SEMA3G: variants seen among roughly 807,000 people sequenced by gnomAD.
The protein encoded by SEMA3G is semaphorin-3G.
Under a neutral mutation model 86.2 loss-of-function variants are expected in SEMA3G, and 70 were observed. The ratio of observed to expected loss-of-function variants is 0.81; its 90% CI spans 0.67 to 0.99. The LOEUF is 0.99. SEMA3G is among the 50% of genes least tolerant of loss of function. The pLI, the probability that SEMA3G is intolerant of heterozygous loss-of-function variation, is 0.00. For synonymous variants in SEMA3G, 416 were observed against 441.4 expected, an observed-to-expected ratio of 0.94 and a Z score of 0.72; for missense variants, 1,002 against 1,072.4, an observed-to-expected ratio of 0.93 and a Z score of 0.92.
rs746597015 is a variant in SEMA3G at position 52,437,510 on chromosome 3, GGGGTCTCCTCACTCACCT to G, written c.1877_1878+16del. On this transcript the variant is annotated splice_donor_variant and splice_donor_5th_base_variant and coding_sequence_variant and intron_variant, in exon 15 of 16. Coordinates refer to ENST00000231721, the MANE Select transcript of SEMA3G (RefSeq NM_020163.3). LOFTEE classifies it high-confidence loss of function. ...TCAGGACACACAGAGGCTAGAGGCA[GGGGTCTCCTCACTCACCT>G]GGTCAGGCCCCTCATCCCCTGGCCT... 2 of 1,606,350 alleles carry G rather than the reference GGGGTCTCCTCACTCACCT, an allele frequency of 1.2e-6. No homozygotes were observed. The highest frequency in any genetic ancestry group is 1.7e-6 in the Non-Finnish European group (2 of 1,175,530).
At chr3:52,437,904 G>T in intron 14 of SEMA3G, 67 bp downstream of exon 14, 1 of 1,419,808 alleles carries the variant, frequency 7.0e-7, no homozygotes, top group Non-Finnish European at 9.8e-7. Context: ...GCACTTCGCA[G>T]GGGTGGAGCC....
chr3:52,440,187 A>C, intron 10 of SEMA3G, 89 bp from the exon 11 acceptor site: 1 of 1,237,804 alleles, frequency 8.1e-7, no homozygotes, highest in Non-Finnish European at 1.1e-6. Flanking sequence ...AACCAGGGGG[A>C]CCTCTCTCAC....
Position 52,440,106 on chromosome 3 carries a change from C to T in SEMA3G, c.1144-8G>A. On this transcript the variant is annotated splice_region_variant and splice_polypyrimidine_tract_variant and intron_variant, in intron 10 of 15. Coordinates refer to ENST00000231721, the MANE Select transcript of SEMA3G (RefSeq NM_020163.3). ...GGTCATCTTGCTGGGGCACTGTGGG[C>T]AGCAGGGAAGGGAGTGCCTGAAGTA... 6.4e-7 allele frequency: 1 copy of T among 1,566,522 alleles called. No homozygotes were observed. Among genetic ancestry groups the T allele is most frequent in the Non-Finnish European group, 8.7e-7 (1 of 1,151,372 alleles).
Position 52,442,665 on chromosome 3 carries a change from C to G in SEMA3G, c.277-44G>C. ...GACCTCAGGTCCTCCCCTGATCTCA[C>G]AGGCTCAGTTTCCCCATCTGGCCTC... On this transcript the variant is annotated intron_variant, in intron 2 of 15. Transcript: ENST00000231721. This position sits in a 1 kb window ranked among gnomAD's most constrained non-coding sequence, Gnocchi z 6.1. 6.2e-7 allele frequency: 1 copy of G among 1,614,018 alleles called. No homozygotes were observed. Among genetic ancestry groups the G allele is most frequent in the Non-Finnish European group, 8.5e-7 (1 of 1,179,928 alleles).
In SEMA3G at chr3:52,437,668, T is replaced by G. The variant is rs745595237; in HGVS notation, c.1739-2A>C. 8 of 1,608,134 alleles carry G rather than the reference T, an allele frequency of 5.0e-6. No individual in the cohort carries two copies. Among genetic ancestry groups the G allele is most frequent in the Non-Finnish European group, 6.8e-6 (8 of 1,176,078 alleles). On this transcript the variant is annotated splice_acceptor_variant, in intron 14 of 15. Coordinates refer to ENST00000231721, the MANE Select transcript of SEMA3G (RefSeq NM_020163.3). LOFTEE classifies it high-confidence loss of function. ...CTGCCACAAGTCCCACTGCCTCTTC[T>G]GGAGAGAGGCAGAGGTTGGCTCAGC...
chr3:52,438,023 C>T lies in SEMA3G; in HGVS notation c.1686G>A (p.Gln562=). The T allele has an allele frequency of 6.2e-7, 1 of 1,613,098 alleles. No homozygotes were observed. ...GGGCAGGGTTGCCGTGCCGGATGTC[C>T]TGCCGGCGGAACCGGCGCTTGCCAA... ...PSLGKRRFRR[Q]DIRHGNPALQ... Residue 562 remains glutamine (Q), a synonymous_variant, in exon 14 of 16, where the codon CAG becomes CAA. Coordinates refer to ENST00000231721, the MANE Select transcript of SEMA3G (RefSeq NM_020163.3).
rs568859731 is a variant in SEMA3G at position 52,438,057 on chromosome 3, C to A, written c.1652G>T (p.Arg551Leu). ...GAACCGGCGCTTGCCAAGGCTGGGG[C>A]GGTAGTGGGTACAGGAGGCACCATC... ...AWDGASCTHY[R>L]PSLGKRRFRR... The change falls in exon 14 of 16, where the codon CGC (arginine) becomes CTC (leucine). Residue 551 changes from arginine (R) to leucine (L), a missense_variant. Transcript: ENST00000231721. 16 of 1,613,024 alleles carry A rather than the reference C, an allele frequency of 9.9e-6. No individual in the cohort carries two copies. The highest frequency in any genetic ancestry group is 1.4e-5 in the Non-Finnish European group (16 of 1,180,024).
chr3:52,440,095 G>C lies in SEMA3G; in HGVS notation c.1147C>G (p.Pro383Ala). Residue 383 changes from proline to alanine, a missense_variant, in exon 11 of 16, where the codon CCC becomes GCC. Pro to Ala is a conservative substitution (Grantham distance 27, BLOSUM62 -1). Transcript: ENST00000231721. ...KVPFPRPGVC[P>A]SKMTAQPGRP... ...CCTGGCTGTGCGGTCATCTTGCTGG[G>C]GCACTGTGGGCAGCAGGGAAGGGAG... is the stretch of plus-strand genomic sequence containing the variant. 6.4e-7 allele frequency: 1 copy of C among 1,574,040 alleles called. No homozygotes were observed. Among genetic ancestry groups the C allele is most frequent in the Non-Finnish European group, 8.7e-7 (1 of 1,155,082 alleles).
At chr3:52,439,576 A>G (rs752865967) in intron 12 of SEMA3G, 104 bp downstream of exon 12, 10 of 902,772 alleles carry the variant, frequency 1.1e-5, no homozygotes, top group Non-Finnish European at 1.6e-5. Context: ...CAAATTCAGT[A>G]AAGACAGGCT....
In SEMA3G at chr3:52,438,028, G is replaced by A. The variant is rs766646342; in HGVS notation, c.1681C>T (p.Arg561Trp). 322 of 1,612,962 alleles carry A rather than the reference G, an allele frequency of 2.0e-4. No homozygotes were observed. Among genetic ancestry groups the A allele is most frequent in the Non-Finnish European group, 2.5e-4 (293 of 1,180,000 alleles). The change falls in exon 14 of 16, where the codon CGG becomes TGG. Residue 561 changes from arginine to tryptophan, a missense_variant. Transcript: ENST00000231721. ...GGGTTGCCGTGCCGGATGTCCTGCC[G>A]GCGGAACCGGCGCTTGCCAAGGCTG... ...RPSLGKRRFR[R>W]QDIRHGNPAL...
chr3:52,438,374 T>C (rs1706088292), intron 13 of SEMA3G, 175 bp from the exon 14 acceptor site: 1 of 973,012 alleles, frequency 1.0e-6, no homozygotes, highest in African/African-American at 1.8e-5. Flanking sequence ...CATACCAGAT[T>C]CTGTGCCAGG....
At chr3:52,441,123 C>A in intron 7 of SEMA3G, 75 bp from the exon 8 acceptor site, 1 of 1,470,888 alleles carries the variant, frequency 6.8e-7, no homozygotes, top group Admixed American at 1.9e-5. Context: ...CTACCCTCAC[C>A]CACTCGGGGA....
At position 52,438,178 on chromosome 3, in the gene SEMA3G, G is replaced by A. The variant is rs371791154; in HGVS notation, c.1531C>T (p.Arg511Trp). Residue 511 changes from arginine to tryptophan, a missense_variant, in exon 14 of 16, where the codon CGG (arginine) becomes TGG (tryptophan). Arg to Trp is a moderately radical substitution (Grantham distance 101). Coordinates refer to ENST00000231721, the MANE Select transcript of SEMA3G (RefSeq NM_020163.3). ...AGCCGCAGCTGGGCCACACCCAGCCGAGAGCCCACGTATAGCATTTGCTGG... is the reference window on the plus strand; with the variant it reads ...AGCCGCAGCTGGGCCACACCCAGCCAAGAGCCCACGTATAGCATTTGCTGG... ...VKRQMLYVGS[R>W]LGVAQLRLHQ... is the part of the protein sequence containing the mutation. 2.1e-5 allele frequency: 34 copies of A among 1,613,054 alleles called. No individual in the cohort carries two copies. The highest frequency in any genetic ancestry group is 4.4e-5 in the South Asian group (4 of 91,068).
In SEMA3G at chr3:52,438,997, G is replaced by A. The variant is rs561399558; in HGVS notation, c.1468-36C>T. The A allele has an allele frequency of 3.4e-5, 55 of 1,606,378 alleles. No homozygotes were observed. In the Admixed American group the frequency reaches 6.4e-4, roughly 19 times the overall value. On this transcript the variant is annotated intron_variant, in intron 12 of 15. Transcript: ENST00000231721. ...AGAAGGGTCTCAGTGTGGGTCGGGT[G>A]GACCAAGACCTGCCCCTGCACCCCT...
At chr3:52,439,609 T>A in intron 12 of SEMA3G, 71 bp downstream of exon 12, 1 of 1,307,524 alleles carries the variant, frequency 7.6e-7, no homozygotes, top group Non-Finnish European at 1.1e-6. Flanking sequence ...GGCTTGCTCC[T>A]GCATCCCTGT....
In SEMA3G at chr3:52,441,861, A is replaced by G; in HGVS notation, c.508T>C (p.Cys170Arg). Reference sequence around the variant, plus strand: ...AAGGGACGGCTGGGCTCGTGAGGGCACCGCCCCCGGCCACTTTCCACACTG... The same window carrying G: ...AAGGGACGGCTGGGCTCGTGAGGGCGCCGCCCCCGGCCACTTTCCACACTG... ...PGSVESGRGR[C>R]PHEPSRPFAS... Residue 170 changes from cysteine to arginine, a missense_variant, in exon 5 of 16, where the codon TGC (cysteine) becomes CGC (arginine). By Grantham distance (180) the Cys-to-Arg change is radical. Coordinates refer to ENST00000231721, the MANE Select transcript of SEMA3G (RefSeq NM_020163.3). The G allele has an allele frequency of 6.3e-7, 1 of 1,594,764 alleles. No individual in the cohort carries two copies. The highest frequency in any genetic ancestry group is 8.5e-7 in the Non-Finnish European group (1 of 1,170,762).
In SEMA3G at chr3:52,435,653, G is replaced by A. The variant is rs754767846; in HGVS notation, c.2299C>T (p.Arg767Trp). ...GTCCGATTGTGCTCGGCATGCACCC[G>A]GCTCTTCATCTTCTTGCCTAGCTCC... is the stretch of plus-strand genomic sequence containing the variant. ...GLELGKKMKSRVHAEHNRTPR... is the reference protein window; with the variant it reads ...GLELGKKMKSWVHAEHNRTPR... Residue 767 changes from arginine (R) to tryptophan (W), a missense_variant, in exon 16 of 16, where the codon CGG (arginine) becomes TGG (tryptophan). By Grantham distance (101) the Arg-to-Trp change is moderately radical. Transcript: ENST00000231721. 1.2e-5 allele frequency: 19 copies of A among 1,613,832 alleles called. No homozygotes were observed. Among genetic ancestry groups the A allele is most frequent in the Admixed American group, 3.3e-5 (2 of 59,986 alleles).
rs1259742338 is a variant in SEMA3G at position 52,438,007 on chromosome 3, T to C, written c.1702A>G (p.Asn568Asp). ...TGGCCCAGGCACTGCAGGGCAGGGT[T>C]GCCGTGCCGGATGTCCTGCCGGCGG... ...RFRRQDIRHGNPALQCLGQSQ... is the reference protein window; with the variant it reads ...RFRRQDIRHGDPALQCLGQSQ... Residue 568 changes from asparagine to aspartate, a missense_variant, in exon 14 of 16, where the codon AAC becomes GAC. Asn to Asp is a conservative substitution (Grantham distance 23). Coordinates refer to ENST00000231721, the MANE Select transcript of SEMA3G (RefSeq NM_020163.3). 1 of 1,612,898 alleles carries C rather than the reference T, an allele frequency of 6.2e-7. No homozygotes were observed. The highest frequency in any genetic ancestry group is 2.2e-5 in the East Asian group (1 of 44,884).
chr3:52,443,897 G>T (rs1706208510), intron 1 of SEMA3G, among the ~76,000 whole-genome samples: 1 of 152,182 alleles, frequency 6.6e-6, no homozygotes, highest in African/African-American at 2.4e-5. Context: ...CCTCAGGAAG[G>T]ATCTGCCAAG....
Sources: gnomAD v4.1 joint callset for allele counts (sites outside exome capture counted in the v4.1 genomes callset) on GRCh38, gnomAD v4.1.1 for gene constraint, Gnocchi (gnomAD v3.1) non-coding constraint, MANE v1.5 for transcripts, NCBI Gene and HGNC (gene_info 2026-07-23, HGNC 2026-07-21) for gene names.